The following UNC13C variants were observed in gnomAD, a reference collection of about 807,000 sequenced individuals.
UNC13C encodes the protein protein unc-13 homolog C.
In UNC13C, 174 loss-of-function variants were observed where a neutral mutation model predicts 245.4. The observed-to-expected ratio is 0.71, with a 90% CI of 0.63 to 0.80. The LOEUF is 0.80. Ranked by LOEUF, UNC13C falls within the 30% of genes least tolerant of loss-of-function variation. The pLI is 0.00. For synonymous variants in UNC13C, 992 were observed against 895.1 expected (o/e 1.11, Z -1.93); for missense variants, 2,829 against 2,602.9 (o/e 1.09, Z -1.89).
intron 10 of UNC13C, among the ~76,000 whole-genome samples, chr15:54,269,972 T>C (rs1239781151): frequency 6.6e-6 from 1 of 152,238 alleles, no homozygotes; most frequent in Non-Finnish European, 1.5e-5. Flanking sequence ...ATTTATTAAC[T>C]TTAAGTGAAG....
intron 24 of UNC13C, among the ~76,000 whole-genome samples, chr15:54,513,748 A>G (rs117905967): frequency 8.3e-4 from 127 of 152,350 alleles, no homozygotes; most frequent in East Asian, 4.8e-3. Flanking sequence ...AATCAGTGAA[A>G]TAAAATGAAT....
the UNC13C span, among the ~76,000 whole-genome samples, chr15:53,956,875 A>AGAGTGTGTGTGTGTGTGT: frequency 7.2e-6 from 1 of 139,814 alleles, no homozygotes; most frequent in Non-Finnish European, 1.6e-5. Flanking sequence ...GTTAAGCTCA[A>AGAGTGTGTGTGTGTGTGT]GTGTGTGTGT....
At chr15:54,203,849 C>CATACATATACAT (rs1394976999) in intron 4 of UNC13C, among the ~76,000 whole-genome samples, 7 of 94,470 alleles carry the variant, frequency 7.4e-5, no homozygotes, top group South Asian at 2.9e-4. Context: ...TACATATACA[C>CATACATATACAT]GTATATATAC....
intron 30 of UNC13C, among the ~76,000 whole-genome samples, chr15:54,578,564 C>G (rs1339824289): frequency 6.6e-6 from 1 of 152,174 alleles, no homozygotes; most frequent in African/African-American, 2.4e-5. Flanking sequence ...GAAACAAAAG[C>G]ACTTGACATT....
At chr15:54,450,775 G>A (rs753304093) in intron 19 of UNC13C, among the ~76,000 whole-genome samples, 1 of 152,220 alleles carries the variant, frequency 6.6e-6, no homozygotes, top group Admixed American at 6.5e-5. Context: ...TGCGCCCACT[G>A]TCCTGCCCCC....
At chr15:54,585,596 C>A (rs759565538) in intron 30 of UNC13C, among the ~76,000 whole-genome samples, 3 of 152,156 alleles carry the variant, frequency 2.0e-5, no homozygotes, top group African/African-American at 4.8e-5. Context: ...TGTATTCTCA[C>A]TGGGACTGGG....
At chr15:54,473,391 T>C (rs146483679) in intron 19 of UNC13C, among the ~76,000 whole-genome samples, 79 of 152,086 alleles carry the variant, frequency 5.2e-4, no homozygotes, top group African/African-American at 1.5e-3. Context: ...GTTTGAAATA[T>C]ACATTGAATT....
the UNC13C span, among the ~76,000 whole-genome samples, chr15:53,919,721 C>A: frequency 6.6e-6 from 1 of 152,162 alleles, no homozygotes; most frequent in Admixed American, 6.5e-5. Flanking sequence ...TGTTGGTACT[C>A]ACAGTCTTCA....
At chr15:54,518,545 T>C (rs1005643972) in intron 24 of UNC13C, among the ~76,000 whole-genome samples, 12 of 152,212 alleles carry the variant, frequency 7.9e-5, no homozygotes, top group Non-Finnish European at 1.5e-5. Flanking sequence ...TGTGATCACC[T>C]TCAGTTGCTC....
At chr15:54,409,906 G>T (rs1333880597) in intron 18 of UNC13C, among the ~76,000 whole-genome samples, 1 of 152,160 alleles carries the variant, frequency 6.6e-6, no homozygotes, top group Non-Finnish European at 1.5e-5. Flanking sequence ...AGAGATTGCT[G>T]AGTTAAATGG....
chr15:53,871,093 A>T, the UNC13C span, among the ~76,000 whole-genome samples: 1 of 152,208 alleles, frequency 6.6e-6, no homozygotes, highest in South Asian at 2.1e-4. Flanking sequence ...CCCCAAATAA[A>T]TTTGATTGCT....
chr15:54,402,190 A>G (rs1403619655), intron 18 of UNC13C, among the ~76,000 whole-genome samples: 1 of 152,130 alleles, frequency 6.6e-6, no homozygotes, highest in Non-Finnish European at 1.5e-5. Context: ...GAAAAAACCC[A>G]CAGATCTGTT....
At chr15:54,169,401 C>A (rs554061045) in intron 4 of UNC13C, among the ~76,000 whole-genome samples, 14 of 152,110 alleles carry the variant, frequency 9.2e-5, no homozygotes, top group African/African-American at 3.4e-4. Context: ...AGACTATTTT[C>A]TTTTCTTTTT....
intron 19 of UNC13C, among the ~76,000 whole-genome samples, chr15:54,442,350 A>G (rs7177286): frequency 0.58 from 87,160 of 150,750 alleles, 25,355 homozygotes; most frequent in East Asian, 0.79. Flanking sequence ...AGCCTCCTGA[A>G]TAGCTGGGAT....
chr15:54,516,666 G>T (rs1245695143), intron 24 of UNC13C, among the ~76,000 whole-genome samples: 1 of 151,984 alleles, frequency 6.6e-6, no homozygotes, highest in Non-Finnish European at 1.5e-5. Context: ...CAGGCATGGT[G>T]GTGGGCGCCT....
intron 19 of UNC13C, among the ~76,000 whole-genome samples, chr15:54,482,407 C>T (rs183108311): frequency 1.3e-5 from 2 of 152,266 alleles, no homozygotes; most frequent in African/African-American, 2.4e-5. Flanking sequence ...AGCTCCTATT[C>T]CAGTCTCAGG....
At chr15:54,577,984 T>A (rs1327073125) in intron 30 of UNC13C, among the ~76,000 whole-genome samples, 1 of 152,236 alleles carries the variant, frequency 6.6e-6, no homozygotes, top group Non-Finnish European at 1.5e-5. Context: ...TGATGACTCC[T>A]TTGTCCAGAA....
chr15:54,120,757 G>A (rs1359461119), intron 2 of UNC13C, among the ~76,000 whole-genome samples: 1 of 151,912 alleles, frequency 6.6e-6, no homozygotes, highest in Non-Finnish European at 1.5e-5. Flanking sequence ...ATAGGAGTTG[G>A]AAAAAGTTGA....
At chr15:53,931,450 T>C in the UNC13C span, among the ~76,000 whole-genome samples, 1 of 152,204 alleles carries the variant, frequency 6.6e-6, no homozygotes, top group East Asian at 1.9e-4. Flanking sequence ...ATTACAGCCG[T>C]GAGCCATTGC....
Sources: allele counts gnomAD v4.1 joint callset (sites outside exome capture counted in the v4.1 genomes callset), GRCh38; gene constraint gnomAD v4.1.1; transcripts MANE v1.5; gene names NCBI Gene and HGNC (gene_info 2026-07-23, HGNC 2026-07-21).